Variants in CISTR observed in about 807,000 individuals in gnomAD.
The protein encoded by CISTR is chondrogenesis-associated transcript.
exon 3 of CISTR, among the ~76,000 whole-genome samples, chr12:53,746,674 G>C (rs560737836): frequency 6.6e-6 from 1 of 152,232 alleles, no homozygotes; most frequent in Non-Finnish European, 1.5e-5. Context: ...AGCTAAAGAC[G>C]TCCCCGGCCT....
chr12:53,753,664 G>A (rs945818914), intron 1 of CISTR, among the ~76,000 whole-genome samples: 1 of 117,770 alleles, frequency 8.5e-6, no homozygotes, highest in Admixed American at 8.9e-5. Flanking sequence ...GAATGCATAG[G>A]GGTGTGTGTG....
At chr12:53,754,008 C>T (rs1439418115) in intron 1 of CISTR, among the ~76,000 whole-genome samples, 2 of 134,420 alleles carry the variant, frequency 1.5e-5, no homozygotes, top group Non-Finnish European at 3.3e-5. Context: ...ATTTCATGGG[C>T]TAGTGAACCA....
chr12:53,755,971 C>T (rs1283865580), intron 1 of CISTR: 3 of 152,184 alleles, frequency 2.0e-5, no homozygotes, highest in African/African-American at 7.2e-5. Flanking sequence ...TGCAGGGACC[C>T]CTTTCTCCTC....
chr12:53,748,695 C>T (rs7963414), intron 2 of CISTR, among the ~76,000 whole-genome samples: 60,892 of 152,004 alleles, frequency 0.4, 12,727 homozygotes, highest in African/African-American at 0.45. Flanking sequence ...CCATGTACCC[C>T]GAGCCAAAGG....
intron 2 of CISTR, among the ~76,000 whole-genome samples, chr12:53,747,785 C>A (rs1937799681): frequency 6.6e-6 from 1 of 152,080 alleles, no homozygotes; most frequent in African/African-American, 2.4e-5. Flanking sequence ...CGCACTCCAC[C>A]TATTTCCTGC....
intron 1 of CISTR, among the ~76,000 whole-genome samples, chr12:53,755,374 C>A (rs982511822): frequency 5.3e-5 from 8 of 150,868 alleles, no homozygotes; most frequent in Non-Finnish European, 1.2e-4. Flanking sequence ...GATTCTATAT[C>A]ATTTCATTTT....
chr12:53,753,218 C>T (rs546764291), intron 1 of CISTR, among the ~76,000 whole-genome samples: 42 of 152,302 alleles, frequency 2.8e-4, no homozygotes, highest in Middle Eastern at 3.4e-3. Context: ...ATCAGCGAGT[C>T]GCACACCTTC....
chr12:53,746,674 G>A (rs560737836), exon 3 of CISTR, among the ~76,000 whole-genome samples: 2 of 152,114 alleles, frequency 1.3e-5, no homozygotes, highest in Non-Finnish European at 2.9e-5. Context: ...AGCTAAAGAC[G>A]TCCCCGGCCT....
At chr12:53,752,251 G>C (rs1239314140) in intron 1 of CISTR, among the ~76,000 whole-genome samples, 1 of 152,232 alleles carries the variant, frequency 6.6e-6, no homozygotes, top group African/African-American at 2.4e-5. Context: ...TCGGGTTTCA[G>C]GTTGGGCATT....
intron 1 of CISTR, among the ~76,000 whole-genome samples, chr12:53,752,990 C>T (rs1593110867): frequency 6.6e-6 from 1 of 151,902 alleles, no homozygotes; most frequent in Non-Finnish European, 1.5e-5. Context: ...AAGACTCCTG[C>T]ACCAAGGCAG....
rs980429936 is a variant in CISTR at position 53,752,111 on chromosome 12, C to G, written n.415-1146G>C. Among the ~76,000 whole-genome samples the G allele has an allele frequency of 5.9e-5, 9 of 152,130 alleles. No individual in the cohort carries two copies. In the East Asian group the frequency reaches 1.7e-3, roughly 29 times the overall value. On this transcript the variant is annotated intron_variant and non_coding_transcript_variant, in intron 1 of 2. Transcript: ENST00000669269. Reference sequence around the variant, plus strand: ...CTGCCCGCTGGCGCTGCCTACACCCCCTTGGGCTCCCCTCCAAGGTCCCCT... The same window carrying G: ...CTGCCCGCTGGCGCTGCCTACACCCGCTTGGGCTCCCCTCCAAGGTCCCCT...
Position 53,756,746 on chromosome 12 carries a change from G to GTGTGTGTGTGTGTGTGTGTGTGTT in CISTR, n.414+67_414+68insAACACACACACACACACACACACA, listed in dbSNP as rs1326886046. ...CAGTGATGTGTGTGTGTGTGTGTGTGTGTGTACTGGGGAGGGGGGATGAGA... is the reference window on the plus strand; with the variant it reads ...CAGTGATGTGTGTGTGTGTGTGTGTGTGTGTGTGTGTGTGTGTGTGTGTTTGTGTACTGGGGAGGGGGGATGAGA... On this transcript the variant is annotated intron_variant and non_coding_transcript_variant, in intron 1 of 2. Transcript: ENST00000669269. This position sits in a 1 kb window ranked among gnomAD's most constrained non-coding sequence, Gnocchi z 4.0. 2.6e-5 allele frequency: 4 copies of GTGTGTGTGTGTGTGTGTGTGTGTT among 152,822 alleles called. No homozygotes were observed. Among genetic ancestry groups the GTGTGTGTGTGTGTGTGTGTGTGTT allele is most frequent in the Non-Finnish European group, 5.8e-5 (4 of 68,560 alleles). 9.5% of individuals were successfully genotyped at this position (152,822 alleles called of 1,614,324 possible).
rs1047104123 is a variant in CISTR, at chr12:53,756,537, C to T, written n.414+277G>A. 3.3e-5 allele frequency among the ~76,000 whole-genome samples: 5 copies of T among 152,268 alleles called. No homozygotes were observed. The highest frequency in any genetic ancestry group is 9.6e-5 in the African/African-American group (4 of 41,554). ...CCTTCCAAAGTGCTGGGATCACAGA[C>T]GTGAGCCACTGCACTTGGCCTCTTT... On this transcript the variant is annotated intron_variant and non_coding_transcript_variant, in intron 1 of 2. Coordinates refer to ENST00000669269, the Ensembl canonical transcript of CISTR. The surrounding 1 kb of genome is among the most constrained non-coding windows in gnomAD (Gnocchi z 4.0).
At chr12:53,754,040 T>G (rs1937888400) in intron 1 of CISTR, among the ~76,000 whole-genome samples, 1 of 151,896 alleles carries the variant, frequency 6.6e-6, no homozygotes, top group African/African-American at 2.4e-5. Flanking sequence ...AGACATCTGC[T>G]CAGGCTATGA....
At chr12:53,747,772 A>G (rs1173882228) in intron 2 of CISTR, among the ~76,000 whole-genome samples, 2 of 152,088 alleles carry the variant, frequency 1.3e-5, no homozygotes, top group African/African-American at 4.8e-5. Flanking sequence ...AGGGGATAAA[A>G]GACGCACTCC....
In CISTR at chr12:53,751,649, G is replaced by C. The variant is rs1937852879; in HGVS notation, n.415-684C>G. On this transcript the variant is annotated intron_variant and non_coding_transcript_variant, in intron 1 of 2. Coordinates refer to ENST00000669269, the Ensembl canonical transcript of CISTR. This position sits in a 1 kb window ranked among gnomAD's most constrained non-coding sequence, Gnocchi z 4.6. ...ACTGGCTGGGCCGGGAGTGGGGTCG[G>C]GGGTGCGTGCGGGTGCGATCCGGGC... The C allele has an allele frequency of 6.6e-6, 1 of 152,240 alleles. No individual in the cohort carries two copies. Among genetic ancestry groups the C allele is most frequent in the Non-Finnish European group, 1.5e-5 (1 of 68,114 alleles). The allele number at this position is 152,240 out of a possible 1,614,324, so 9.4% of individuals were successfully genotyped here.
chr12:53,754,132 A>G (rs753304341), intron 1 of CISTR, among the ~76,000 whole-genome samples: 1 of 152,072 alleles, frequency 6.6e-6, no homozygotes, highest in Admixed American at 6.6e-5. Flanking sequence ...TAATGGGAAG[A>G]TGGAAGGCTT....
intron 2 of CISTR, among the ~76,000 whole-genome samples, chr12:53,747,776 G>T (rs886810097): frequency 6.6e-6 from 1 of 152,042 alleles, no homozygotes; most frequent in Non-Finnish European, 1.5e-5. Context: ...GATAAAAGAC[G>T]CACTCCACCT....
exon 3 of CISTR, among the ~76,000 whole-genome samples, chr12:53,746,354 G>GTA (rs1565658063): frequency 6.6e-6 from 1 of 152,160 alleles, no homozygotes; most frequent in African/African-American, 2.4e-5. Flanking sequence ...GGCCTGTAGG[G>GTA]TATGGTTTTA....
Sources: gnomAD v4.1 joint callset for allele counts (sites outside exome capture counted in the v4.1 genomes callset) on GRCh38, gnomAD v4.1.1 for gene constraint, Gnocchi (gnomAD v3.1) non-coding constraint, MANE v1.5 for transcripts, NCBI Gene and HGNC (gene_info 2026-07-23, HGNC 2026-07-21) for gene names.